The following ANGPT1 variants were observed in gnomAD, a reference collection of about 807,000 sequenced individuals.
ANGPT1 encodes angiopoietin 1.
In ANGPT1, 17 loss-of-function variants were observed where a neutral mutation model predicts 62.2. The ratio of observed to expected loss-of-function variants is 0.27; its 90% CI spans 0.19 to 0.41. The LOEUF (loss-of-function observed/expected upper bound fraction) is 0.41. Ranked by LOEUF, ANGPT1 falls within the 10% of genes least tolerant of loss-of-function variation. The probability of loss-of-function intolerance (pLI) is 1.00; values close to 1 mark genes in which losing one functional copy is unlikely to be tolerated. For synonymous variants in ANGPT1, 199 were observed against 198.9 expected (o/e 1.00, Z 0.00); for missense variants, 478 against 594.9 (o/e 0.80, Z 2.04).
chr8:107,394,985 T>C (rs1816907888), intron 1 of ANGPT1, among the ~76,000 whole-genome samples: 1 of 152,178 alleles, frequency 6.6e-6, no homozygotes, highest in African/African-American at 2.4e-5. Flanking sequence ...AGTAGCTCTC[T>C]ATCTATAGAT....
chr8:107,404,209 T>C (rs1195767367), intron 1 of ANGPT1, among the ~76,000 whole-genome samples: 1 of 152,162 alleles, frequency 6.6e-6, no homozygotes, highest in Admixed American at 6.6e-5. Context: ...TAGTGTTTGG[T>C]TAAAACAAAT....
intron 5 of ANGPT1, among the ~76,000 whole-genome samples, chr8:107,296,015 G>T (rs1460577620): frequency 6.6e-6 from 1 of 152,078 alleles, no homozygotes; most frequent in Non-Finnish European, 1.5e-5. Context: ...TCAACAATAA[G>T]CTCTGGATCT....
At chr8:107,263,797 C>G (rs760101783) in intron 8 of ANGPT1, among the ~76,000 whole-genome samples, 4 of 152,078 alleles carry the variant, frequency 2.6e-5, no homozygotes, top group Non-Finnish European at 4.4e-5. Context: ...TTAACTACAC[C>G]TCTTTATTTT....
intron 4 of ANGPT1, among the ~76,000 whole-genome samples, chr8:107,304,855 C>T (rs1814677349): frequency 6.6e-6 from 1 of 151,810 alleles, no homozygotes; most frequent in Non-Finnish European, 1.5e-5. Flanking sequence ...CATCTAAATA[C>T]CACCATCACA....
At chr8:107,316,016 T>C (rs77131107) in intron 4 of ANGPT1, among the ~76,000 whole-genome samples, 1 of 152,170 alleles carries the variant, frequency 6.6e-6, no homozygotes, top group Non-Finnish European at 1.5e-5. Context: ...AAACTCACTA[T>C]TTTTTCCCTT....
intron 1 of ANGPT1, among the ~76,000 whole-genome samples, chr8:107,362,850 A>C (rs530029192): frequency 6.6e-6 from 1 of 152,328 alleles, no homozygotes; most frequent in South Asian, 2.1e-4. Flanking sequence ...ATACAGTTAC[A>C]TGAGGCTTAC....
In ANGPT1 at chr8:107,322,065, C is replaced by G; in HGVS notation, c.639G>C (p.Lys213Asn). 1 of 1,613,926 alleles carries G rather than the reference C, an allele frequency of 6.2e-7. No homozygotes were observed. Among genetic ancestry groups the G allele is most frequent in the Non-Finnish European group, 8.5e-7 (1 of 1,179,898 alleles). ...AGCCTTGAAGGTTCTCTTTCTCTTC[C>G]TTTAAGGTGTCCAACTCTTCCTTGT... ...GKHKEELDTL[K>N]EEKENLQGLV... The change falls in exon 4 of 9, where the codon AAG becomes AAC. Residue 213 changes from lysine to asparagine, a missense_variant. Around this residue, in one of 4 missense-constraint regions of ANGPT1, gnomAD observed 343 missense variants for 355.4 expected, o/e 0.97. Transcript: ENST00000517746.
chr8:107,374,333 T>C (rs1471278571), intron 1 of ANGPT1, among the ~76,000 whole-genome samples: 2 of 152,214 alleles, frequency 1.3e-5, no homozygotes, highest in Non-Finnish European at 2.9e-5. Flanking sequence ...AAGTATAATA[T>C]TTACATTTAA....
At chr8:107,373,944 C>T (rs1816470497) in intron 1 of ANGPT1, among the ~76,000 whole-genome samples, 1 of 152,198 alleles carries the variant, frequency 6.6e-6, no homozygotes, top group South Asian at 2.1e-4. Context: ...GCACTCAACT[C>T]GTGAAATGCT....
At chr8:107,439,806 A>T (rs1811425375) in intron 1 of ANGPT1, among the ~76,000 whole-genome samples, 1 of 152,178 alleles carries the variant, frequency 6.6e-6, no homozygotes, top group Non-Finnish European at 1.5e-5. Context: ...ACAAGCAGGC[A>T]GGCTCACCAG....
intron 1 of ANGPT1, among the ~76,000 whole-genome samples, chr8:107,437,818 A>AG (rs1162725423): frequency 6.6e-6 from 1 of 152,170 alleles, no homozygotes; most frequent in African/African-American, 2.4e-5. Flanking sequence ...GACTAAAAAA[A>AG]TAAGAAAAAG....
chr8:107,273,277 A>C (rs780981186), intron 7 of ANGPT1, among the ~76,000 whole-genome samples: 13 of 152,052 alleles, frequency 8.5e-5, no homozygotes, highest in Non-Finnish European at 1.6e-4. Flanking sequence ...GGAGAGGGTA[A>C]GCAAAATGTT....
chr8:107,440,826 A>G (rs905308865), intron 1 of ANGPT1, among the ~76,000 whole-genome samples: 1 of 152,198 alleles, frequency 6.6e-6, no homozygotes, highest in African/African-American at 2.4e-5. Flanking sequence ...TTCAATTTGA[A>G]GATATATGAT....
At chr8:107,307,558 T>G (rs187647713) in intron 4 of ANGPT1, among the ~76,000 whole-genome samples, 1 of 152,240 alleles carries the variant, frequency 6.6e-6, no homozygotes, top group Non-Finnish European at 1.5e-5. Context: ...ATAGAAGTTG[T>G]CTTTGCCTAT....
At chr8:107,460,689 T>TG (rs1812047792) in intron 1 of ANGPT1, among the ~76,000 whole-genome samples, 1 of 152,068 alleles carries the variant, frequency 6.6e-6, no homozygotes, top group Non-Finnish European at 1.5e-5. Context: ...TTGACACACA[T>TG]GGGGATAAGA....
intron 1 of ANGPT1, among the ~76,000 whole-genome samples, chr8:107,444,402 C>A (rs1811559052): frequency 6.6e-6 from 1 of 152,136 alleles, no homozygotes; most frequent in Admixed American, 6.5e-5. Flanking sequence ...ATAGATCAGC[C>A]TTCTTCTGTT....
chr8:107,266,598 C>G (rs1813619146), intron 7 of ANGPT1, among the ~76,000 whole-genome samples: 2 of 152,178 alleles, frequency 1.3e-5, no homozygotes, highest in South Asian at 4.1e-4. Flanking sequence ...CATAGGCGCT[C>G]TTGAATGAGC....
intron 3 of ANGPT1, among the ~76,000 whole-genome samples, chr8:107,329,281 A>G (rs1477484755): frequency 6.6e-6 from 1 of 152,080 alleles, no homozygotes; most frequent in Non-Finnish European, 1.5e-5. Flanking sequence ...AGCAGGTGGT[A>G]TGGTGTAGGG....
chr8:107,254,453 T>G (rs1054985665), intron 8 of ANGPT1, among the ~76,000 whole-genome samples: 3 of 151,958 alleles, frequency 2.0e-5, no homozygotes, highest in Admixed American at 6.5e-5. Flanking sequence ...ATGACTGTTA[T>G]TGACAAAAAA....
Sources: gnomAD v4.1 joint callset for allele counts (sites outside exome capture counted in the v4.1 genomes callset) on GRCh38, gnomAD v4.1.1 for gene constraint, gnomAD v4.1.1 regional missense constraint, MANE v1.5 for transcripts, NCBI Gene and HGNC (gene_info 2026-07-23, HGNC 2026-07-21) for gene names.